The following ADGRB3 variants were observed in gnomAD, a reference collection of about 807,000 sequenced individuals.
ADGRB3 encodes the protein brain-specific angiogenesis inhibitor 3.
ADGRB3 carries 37 observed loss-of-function variants against 193.4 expected under a neutral mutation model. The ratio of observed to expected loss-of-function variants is 0.19; its 90% CI spans 0.15 to 0.25. ADGRB3 has a LOEUF of 0.25. Among genes scored for constraint, ADGRB3 ranks in the 10% least tolerant of loss-of-function variants. The pLI, the probability that ADGRB3 is intolerant of heterozygous loss-of-function variation, is 1.00. For missense variants in ADGRB3, 1,637 were observed against 1,852.9 expected, an observed-to-expected ratio of 0.88 and a Z score of 2.14; for synonymous variants, 690 against 644.2, an observed-to-expected ratio of 1.07 and a Z score of -1.08.
intron 5 of ADGRB3, among the ~76,000 whole-genome samples, chr6:68,940,134 C>G (rs751835817): frequency 3.9e-5 from 6 of 152,098 alleles, no homozygotes; most frequent in Non-Finnish European, 8.8e-5. Context: ...TGACATTGTA[C>G]TCTCTTCAAA....
At chr6:68,712,900 A>G (rs1443824999) in intron 3 of ADGRB3, among the ~76,000 whole-genome samples, 1 of 150,980 alleles carries the variant, frequency 6.6e-6, no homozygotes, top group Non-Finnish European at 1.5e-5. Context: ...AATTTTACTA[A>G]TTAATAAAAT....
chr6:69,176,569 T>C (rs886892426), intron 17 of ADGRB3, among the ~76,000 whole-genome samples: 1 of 152,194 alleles, frequency 6.6e-6, no homozygotes, highest in Non-Finnish European at 1.5e-5. Context: ...TGTGTGTCCA[T>C]GTTCATCAGG....
intron 3 of ADGRB3, among the ~76,000 whole-genome samples, chr6:68,721,171 G>A (rs907061218): frequency 1.8e-4 from 27 of 151,650 alleles, no homozygotes; most frequent in African/African-American, 6.3e-4. Flanking sequence ...AAAGATACAC[G>A]CACACATATG....
chr6:68,918,860 A>C (rs896323128), intron 3 of ADGRB3, among the ~76,000 whole-genome samples: 7 of 152,162 alleles, frequency 4.6e-5, no homozygotes, highest in African/African-American at 1.2e-4. Context: ...ATTTAATAAA[A>C]GTTGGATGGA....
chr6:68,985,086 A>AT (rs202159711), intron 10 of ADGRB3, among the ~76,000 whole-genome samples: 1 of 147,822 alleles, frequency 6.8e-6, no homozygotes, highest in Non-Finnish European at 1.5e-5. Context: ...GAAGTCTGAA[A>AT]TACAGAATTT....
chr6:68,937,352 A>G (rs2342763), intron 5 of ADGRB3, among the ~76,000 whole-genome samples: 116,553 of 152,110 alleles, frequency 0.77, 46,145 homozygotes, highest in Non-Finnish European at 0.88. Context: ...CATGCATATT[A>G]TAGACATTTC....
chr6:69,336,052 T>C (rs930363049), intron 24 of ADGRB3, among the ~76,000 whole-genome samples: 15 of 152,014 alleles, frequency 9.9e-5, no homozygotes, highest in African/African-American at 3.4e-4. Context: ...TCTTTTTTCT[T>C]TTTTCTTTTT....
rs559134413 is a variant in ADGRB3, at chr6:68,696,010, G to T, written c.757+56578G>T. Among the ~76,000 whole-genome samples the T allele has an allele frequency of 3.9e-5, 6 of 152,104 alleles. No homozygotes were observed. In the East Asian group the frequency reaches 9.7e-4, roughly 25 times the overall value. The stretch of plus-strand genomic sequence containing the variant: ...TGTATTTGGCTGCGACCCAAAGGGG[G>T]TAGTCTCTTTTCAGGTTCTGTTTAT... On this transcript the variant is annotated intron_variant, in intron 3 of 31. Transcript: ENST00000370598.
At chr6:69,319,443 A>G (rs1337532966) in intron 20 of ADGRB3, among the ~76,000 whole-genome samples, 1 of 151,302 alleles carries the variant, frequency 6.6e-6, no homozygotes, top group Non-Finnish European at 1.5e-5. Flanking sequence ...ACAATATTAC[A>G]AAGAAAGAAT....
At chr6:69,067,300 C>T (rs1439264350) in intron 16 of ADGRB3, among the ~76,000 whole-genome samples, 1 of 151,958 alleles carries the variant, frequency 6.6e-6, no homozygotes, top group Non-Finnish European at 1.5e-5. Context: ...GTTTTCTTTG[C>T]CATATTTGCG....
intron 3 of ADGRB3, among the ~76,000 whole-genome samples, chr6:68,873,836 A>T (rs1765521458): frequency 6.6e-6 from 1 of 152,054 alleles, no homozygotes; most frequent in Admixed American, 6.5e-5. Flanking sequence ...TAAAATGCTT[A>T]TATTACATAT....
chr6:68,994,543 T>G (rs748615637), intron 11 of ADGRB3, among the ~76,000 whole-genome samples: 1 of 152,214 alleles, frequency 6.6e-6, no homozygotes, highest in Admixed American at 6.5e-5. Flanking sequence ...ATCATTTATT[T>G]CCATAATAAA....
intron 17 of ADGRB3, among the ~76,000 whole-genome samples, chr6:69,227,678 C>T (rs57589890): frequency 0.018 from 2,722 of 152,220 alleles, 80 homozygotes; most frequent in African/African-American, 0.062. Flanking sequence ...TCTTCTACTT[C>T]ATCTGGTATT....
At chr6:69,092,103 C>A (rs1772726838) in intron 17 of ADGRB3, among the ~76,000 whole-genome samples, 1 of 152,198 alleles carries the variant, frequency 6.6e-6, no homozygotes, top group African/African-American at 2.4e-5. Flanking sequence ...CCTCCAGAGA[C>A]TTCTTCACCT....
At chr6:69,124,886 A>ATT (rs60143202) in intron 17 of ADGRB3, among the ~76,000 whole-genome samples, 16,915 of 149,402 alleles carry the variant, frequency 0.11, 995 homozygotes, top group Admixed American at 0.13. Flanking sequence ...CAGTTTTGCC[A>ATT]TTTTTTTTTT....
chr6:68,767,718 G>A (rs922711224), intron 3 of ADGRB3, among the ~76,000 whole-genome samples: 1 of 152,020 alleles, frequency 6.6e-6, no homozygotes, highest in Non-Finnish European at 1.5e-5. Context: ...AAGAAATAAA[G>A]GGTCTTCAAA....
At chr6:69,368,142 T>G (rs1034693028) in intron 29 of ADGRB3, among the ~76,000 whole-genome samples, 28 of 151,980 alleles carry the variant, frequency 1.8e-4, no homozygotes, top group Admixed American at 1.2e-3. Context: ...ACTTAAAGTA[T>G]AATATTAAAA....
At chr6:68,883,463 C>T (rs1765795172) in intron 3 of ADGRB3, among the ~76,000 whole-genome samples, 1 of 152,134 alleles carries the variant, frequency 6.6e-6, no homozygotes, top group Admixed American at 6.5e-5. Flanking sequence ...TTGCTCTTTG[C>T]AATAAATCTT....
intron 3 of ADGRB3, among the ~76,000 whole-genome samples, chr6:68,758,925 T>C (rs1766345282): frequency 6.6e-6 from 1 of 152,248 alleles, no homozygotes; most frequent in Middle Eastern, 3.4e-3. Context: ...AAAAGGGTGA[T>C]TCCTGAGATT....
Sources: gnomAD v4.1 joint callset for allele counts (sites outside exome capture counted in the v4.1 genomes callset) on GRCh38, gnomAD v4.1.1 for gene constraint, MANE v1.5 for transcripts, NCBI Gene and HGNC (gene_info 2026-07-23, HGNC 2026-07-21) for gene names.